CHD9: variants seen among roughly 807,000 people sequenced by gnomAD.
CHD9 encodes chromodomain helicase DNA binding protein 9.
CHD9 carries 77 observed loss-of-function variants against 316.1 expected under a neutral mutation model. The ratio of observed to expected loss-of-function variants is 0.24; its 90% CI spans 0.20 to 0.29. The LOEUF is 0.29. CHD9 is among the 10% of genes least tolerant of loss of function. The probability of loss-of-function intolerance (pLI) is 1.00; values close to 1 mark genes in which losing one functional copy is unlikely to be tolerated. For synonymous variants in CHD9, 1,129 were observed against 1,158.3 expected (o/e 0.97, Z 0.51); for missense variants, 2,763 against 3,438.1 (o/e 0.80, Z 4.91).
At chr16:53,279,007 G>C (rs1381199281) in intron 24 of CHD9, among the ~76,000 whole-genome samples, 2 of 152,236 alleles carry the variant, frequency 1.3e-5, no homozygotes, top group East Asian at 3.9e-4. Flanking sequence ...TCCCATTACT[G>C]GGTATATACC....
chr16:53,255,344 T>C (rs1337747798), intron 18 of CHD9, among the ~76,000 whole-genome samples: 1 of 152,084 alleles, frequency 6.6e-6, no homozygotes, highest in Non-Finnish European at 1.5e-5. Context: ...GAAAAGAACC[T>C]TGAAAGATGT....
chr16:53,245,259 CATTCGATA>C lies in CHD9; in HGVS notation c.3055-74_3055-67del. ...GTCAGAAAAATATTTGCATATTGAT[CATTCGATA>C]ATCTAAGTCAGCTTTCATATAATTT... On this transcript the variant is annotated intron_variant, in intron 13 of 38. Coordinates refer to ENST00000447540, the MANE Select transcript of CHD9 (RefSeq NM_001308319.2). This position sits in a 1 kb window ranked among gnomAD's most constrained non-coding sequence, Gnocchi z 4.1. The C allele has an allele frequency of 9.2e-7, 1 of 1,087,862 alleles. No homozygotes were observed. The highest frequency in any genetic ancestry group is 1.6e-5 in the African/African-American group (1 of 61,624). The allele number at this position is 1,087,862 out of a possible 1,614,324, so 67.4% of individuals were successfully genotyped here.
intron 1 of CHD9, among the ~76,000 whole-genome samples, chr16:53,060,725 C>T (rs1257394729): frequency 6.6e-6 from 1 of 152,034 alleles, no homozygotes; most frequent in Non-Finnish European, 1.5e-5. Flanking sequence ...CACTGCGCTC[C>T]AGCCTGGGCA....
intron 1 of CHD9, among the ~76,000 whole-genome samples, chr16:53,098,475 C>CAAA (rs35249810): frequency 5.7e-5 from 6 of 105,688 alleles, no homozygotes; most frequent in South Asian, 2.9e-4. Flanking sequence ...GACTCCGTCT[C>CAAA]AAAAAAAAAA....
rs10593955 is a variant in CHD9, at chr16:53,170,578, C to CGTGT, written c.1452+13076_1452+13079dup. Among the ~76,000 whole-genome samples, 1,231 of 140,308 alleles carry CGTGT rather than the reference C, an allele frequency of 8.8e-3. 15 individuals carry two copies. The highest frequency in any genetic ancestry group is 0.024 in the African/African-American group (909 of 38,012). 92.0% of individuals were successfully genotyped at this position (140,308 alleles called of 152,430 possible). A position where few individuals can be genotyped will look rare whatever the true frequency, so the allele number is the denominator to read the frequency against. On this transcript the variant is annotated intron_variant, in intron 2 of 38. Transcript: ENST00000447540. ...GTGCAGTACTAGTATTTTGTAATTTCGTGTGTGTGTGTGTGTGTGTGTGTG... is the reference window on the plus strand; with the variant it reads ...GTGCAGTACTAGTATTTTGTAATTTCGTGTGTGTGTGTGTGTGTGTGTGTGTGTG...
chr16:53,244,286 G>A (rs1196775822), intron 13 of CHD9, among the ~76,000 whole-genome samples: 6 of 149,308 alleles, frequency 4.0e-5, no homozygotes, highest in South Asian at 2.1e-4. Context: ...TCTGCCTCCC[G>A]GGTTCACGCC....
chr16:53,263,004 T>C lies in CHD9; in HGVS notation c.4227T>C (p.Ser1409=). ...TATTTCAGGCGAGTTTTGTGGCATC[T>C]GGAAACCGGACAGATATTTCTTTAG... ...STFAKASFVA[S]GNRTDISLDD... Residue 1409 remains serine, a synonymous_variant, in exon 20 of 39, where the codon TCT becomes TCC. Transcript: ENST00000447540. The C allele has an allele frequency of 6.2e-7, 1 of 1,612,432 alleles. No homozygotes were observed. Among genetic ancestry groups the C allele is most frequent in the East Asian group, 2.2e-5 (1 of 44,802 alleles).
At chr16:53,228,571 C>T (rs1274510254) in intron 7 of CHD9, among the ~76,000 whole-genome samples, 3 of 133,716 alleles carry the variant, frequency 2.2e-5, no homozygotes, top group Non-Finnish European at 3.1e-5. Flanking sequence ...GACGGAGTCT[C>T]GCTCTGTCGC....
chr16:53,273,505 A>G (rs1477011946), intron 22 of CHD9, 121 bp from the exon 23 acceptor site: 1 of 650,152 alleles, frequency 1.5e-6, no homozygotes, highest in African/African-American at 1.8e-5. Flanking sequence ...TGTTACTAAT[A>G]TTTTAAAGAT....
intron 1 of CHD9, among the ~76,000 whole-genome samples, chr16:53,151,251 TTCCTTGTCCTG>T (rs2041094300): frequency 7.8e-6 from 1 of 127,876 alleles, no homozygotes; most frequent in Non-Finnish European, 1.7e-5. Flanking sequence ...GTCCTGTCCT[TTCCTTGTCCTG>T]TCCTTTTCTG....
At chr16:53,267,221 G>T in intron 20 of CHD9, 73 bp from the exon 21 acceptor site, 1 of 922,276 alleles carries the variant, frequency 1.1e-6, no homozygotes, top group Non-Finnish European at 1.5e-6. Flanking sequence ...GTTTGTATAA[G>T]GTAAAAATGT....
chr16:53,315,603 T>G (rs1226211188), intron 36 of CHD9, among the ~76,000 whole-genome samples: 1 of 152,060 alleles, frequency 6.6e-6, no homozygotes, highest in East Asian at 1.9e-4. Flanking sequence ...CTCAGTCTCC[T>G]GAGTAGCTGG....
At chr16:53,299,615 T>A in intron 30 of CHD9, 1 of 400,828 alleles carries the variant, frequency 2.5e-6, no homozygotes, top group Non-Finnish European at 4.8e-6. Context: ...TTGAAAACAA[T>A]GTGTCAAAAT....
intron 2 of CHD9, among the ~76,000 whole-genome samples, chr16:53,167,272 G>A (rs967009503): frequency 3.3e-5 from 5 of 152,124 alleles, no homozygotes; most frequent in Non-Finnish European, 7.4e-5. Flanking sequence ...GGTATAAATT[G>A]TATATACATG....
chr16:53,056,277 A>G (rs565307056), intron 1 of CHD9, among the ~76,000 whole-genome samples: 135 of 152,214 alleles, frequency 8.9e-4, no homozygotes, highest in African/African-American at 3.0e-3. Context: ...GACCTTGGAA[A>G]CTCACTGAAC....
chr16:53,127,098 G>C (rs533899793), intron 1 of CHD9, among the ~76,000 whole-genome samples: 1 of 152,230 alleles, frequency 6.6e-6, no homozygotes, highest in East Asian at 1.9e-4. Context: ...GGGACTACAG[G>C]AACATGCCAC....
chr16:53,273,722 A>T lies in CHD9; in HGVS notation c.4814A>T (p.Tyr1605Phe), dbSNP rs747437247. Reference protein sequence around the residue: ...DIQKAEWLRKYNPEQLLQDEG... With the variant: ...DIQKAEWLRKFNPEQLLQDEG... ...CAAAAAGCAGAATGGCTTCGAAAAT[A>T]TAATCCCGAGCAGCTCCTTCAAGAT... Residue 1605 changes from tyrosine (Y) to phenylalanine (F), a missense_variant, in exon 23 of 39, where the codon TAT becomes TTT. Tyr to Phe is a conservative substitution (Grantham distance 22). This residue lies in a region of CHD9 where 99 missense variants were observed against 131.6 expected (regional missense o/e 0.75). Transcript: ENST00000447540. The T allele has an allele frequency of 1.9e-6, 3 of 1,613,640 alleles. No individual in the cohort carries two copies. The highest frequency in any genetic ancestry group is 4.5e-5 in the East Asian group (2 of 44,826).
At chr16:53,066,299 A>C (rs62050288) in intron 1 of CHD9, among the ~76,000 whole-genome samples, 46,952 of 152,048 alleles carry the variant, frequency 0.31, 7,994 homozygotes, top group Non-Finnish European at 0.39. Context: ...GCAAGTCAGC[A>C]GAGGAAATTT....
intron 2 of CHD9, among the ~76,000 whole-genome samples, chr16:53,172,652 T>A (rs1315567812): frequency 6.6e-6 from 1 of 152,218 alleles, no homozygotes; most frequent in Non-Finnish European, 1.5e-5. Context: ...AAGAGTTCCG[T>A]TCGCTCCACA....
Sources: gnomAD v4.1 joint callset for allele counts (sites outside exome capture counted in the v4.1 genomes callset) on GRCh38, gnomAD v4.1.1 for gene constraint, gnomAD v4.1.1 regional missense constraint, Gnocchi (gnomAD v3.1) non-coding constraint, MANE v1.5 for transcripts, NCBI Gene and HGNC (gene_info 2026-07-23, HGNC 2026-07-21) for gene names.